NELL2: variants seen among roughly 807,000 people sequenced by gnomAD.
NELL2 encodes neural EGFL like 2, also known as protein kinase C-binding protein NELL2.
In NELL2, 41 loss-of-function variants were observed where a neutral mutation model predicts 109.6. That is an observed-to-expected ratio of 0.37 (90% CI 0.29 to 0.49). NELL2 has a LOEUF of 0.49. NELL2 is among the 20% of genes least tolerant of loss of function. The pLI is 0.98. For missense variants in NELL2, 900 were observed against 1,008.3 expected, an observed-to-expected ratio of 0.89 and a Z score of 1.45; for synonymous variants, 355 against 344.7, an observed-to-expected ratio of 1.03 and a Z score of -0.33.
intron 15 of NELL2, among the ~76,000 whole-genome samples, chr12:44,596,757 T>A (rs1426771439): frequency 6.6e-6 from 1 of 152,142 alleles, no homozygotes; most frequent in Non-Finnish European, 1.5e-5. Context: ...TCACTCCATT[T>A]TAAAACAAGG....
chr12:44,761,468 G>A (rs1941122794), intron 9 of NELL2, among the ~76,000 whole-genome samples: 1 of 152,124 alleles, frequency 6.6e-6, no homozygotes, highest in Non-Finnish European at 1.5e-5. Flanking sequence ...AAACAATATG[G>A]AGATTTCTCA....
intron 15 of NELL2, among the ~76,000 whole-genome samples, chr12:44,573,925 G>C (rs950628105): frequency 6.6e-6 from 1 of 152,204 alleles, no homozygotes; most frequent in Non-Finnish European, 1.5e-5. Context: ...GTTTGGCATG[G>C]CTGGCATCTT....
chr12:44,792,977 T>G (rs559084580), intron 3 of NELL2, among the ~76,000 whole-genome samples: 2 of 152,290 alleles, frequency 1.3e-5, no homozygotes, highest in African/African-American at 2.4e-5. Context: ...ATTCCAATTA[T>G]TCATTCATAT....
rs560825959 is a variant in NELL2, at chr12:44,581,794, G to C, written c.1663+25375C>G. Among the ~76,000 whole-genome samples, 5 of 152,188 alleles carry C rather than the reference G, an allele frequency of 3.3e-5. No individual in the cohort carries two copies. The South Asian group carries it at 8.3e-4, about 25-fold the overall frequency. On this transcript the variant is annotated intron_variant, in intron 15 of 19. Transcript: ENST00000429094. Reference sequence around the variant, plus strand: ...ACTATGATCTTAACTTGAATATAGAGATCTTAAAAATATATTGCAAGTTTT... The same window carrying C: ...ACTATGATCTTAACTTGAATATAGACATCTTAAAAATATATTGCAAGTTTT...
intron 16 of NELL2, among the ~76,000 whole-genome samples, chr12:44,527,870 G>A (rs111417125): frequency 3.3e-5 from 5 of 152,010 alleles, no homozygotes; most frequent in Non-Finnish European, 7.4e-5. Context: ...GAGGCGGACG[G>A]ATCACGAGGT....
At position 44,558,740 on chromosome 12, in the gene NELL2, C is replaced by T. The variant is rs146685900; in HGVS notation, c.1664-26019G>A. Among the ~76,000 whole-genome samples the T allele has an allele frequency of 4.5e-3, 680 of 152,228 alleles. 3 individuals are homozygous for T. Among genetic ancestry groups the T allele is most frequent in the Non-Finnish European group, 5.6e-3 (383 of 68,022 alleles). On this transcript the variant is annotated intron_variant, in intron 15 of 19. Transcript: ENST00000429094. ...GGGCCCTGGGTTTCAAGCGCAAAAC[C>T]GAGCGGTTGTTTGGGCAGACACTGA... is the stretch of plus-strand genomic sequence containing the variant.
intron 2 of NELL2, among the ~76,000 whole-genome samples, chr12:44,819,347 T>C (rs1943466105): frequency 6.6e-6 from 1 of 152,234 alleles, no homozygotes; most frequent in Non-Finnish European, 1.5e-5. Context: ...TATTAACTTA[T>C]ACAGGTTAGA....
At chr12:44,515,067 G>A (rs1941198639) in intron 19 of NELL2, among the ~76,000 whole-genome samples, 1 of 151,620 alleles carries the variant, frequency 6.6e-6, no homozygotes, top group African/African-American at 2.4e-5. Context: ...GGCAGGAATG[G>A]ATAAACAGGT....
intron 13 of NELL2, among the ~76,000 whole-genome samples, chr12:44,665,070 T>C (rs1295039370): frequency 6.6e-6 from 1 of 151,710 alleles, no homozygotes; most frequent in Non-Finnish European, 1.5e-5. Context: ...CTCATTTATA[T>C]TTAATAGTCC....
chr12:44,871,859 T>A (rs1279016592), intron 2 of NELL2, among the ~76,000 whole-genome samples: 1 of 152,188 alleles, frequency 6.6e-6, no homozygotes, highest in East Asian at 1.9e-4. Flanking sequence ...AAAAAAAACA[T>A]GCTTTGATTT....
intron 9 of NELL2, among the ~76,000 whole-genome samples, 153 bp from the exon 10 acceptor site, chr12:44,714,894 A>C (rs1353866003): frequency 6.6e-6 from 1 of 152,030 alleles, no homozygotes; most frequent in Non-Finnish European, 1.5e-5. Flanking sequence ...TGCAAGGCAC[A>C]TGTAAACTTA....
At chr12:44,558,649 A>G (rs1943346879) in intron 15 of NELL2, among the ~76,000 whole-genome samples, 1 of 152,178 alleles carries the variant, frequency 6.6e-6, no homozygotes, top group African/African-American at 2.4e-5. Context: ...TAGCCCAGAT[A>G]CTATGCTTTT....
At chr12:44,609,193 A>G (rs974285396) in intron 14 of NELL2, among the ~76,000 whole-genome samples, 1 of 151,956 alleles carries the variant, frequency 6.6e-6, no homozygotes, top group African/African-American at 2.4e-5. Flanking sequence ...CAAGCAATCC[A>G]TCTGCCTTGG....
At chr12:44,710,978 T>G (rs1566213285) in intron 11 of NELL2, among the ~76,000 whole-genome samples, 1 of 152,122 alleles carries the variant, frequency 6.6e-6, no homozygotes, top group Admixed American at 6.6e-5. Flanking sequence ...AACTCAATAT[T>G]GTTGTGTAAC....
chr12:44,617,483 C>A (rs904689687), intron 13 of NELL2, among the ~76,000 whole-genome samples: 2 of 140,716 alleles, frequency 1.4e-5, no homozygotes, highest in Non-Finnish European at 3.0e-5. Context: ...GTCAGGAGAT[C>A]GAGACCATCC....
At chr12:44,875,184 G>A (rs1310395305) in intron 2 of NELL2, 41 bp downstream of exon 2, 1 of 1,586,880 alleles carries the variant, frequency 6.3e-7, no homozygotes, top group South Asian at 1.1e-5. Flanking sequence ...CGGGGTTATC[G>A]GAACTGAAAT....
At chr12:44,756,557 C>G (rs1048707485) in intron 9 of NELL2, among the ~76,000 whole-genome samples, 1 of 152,050 alleles carries the variant, frequency 6.6e-6, no homozygotes, top group Non-Finnish European at 1.5e-5. Context: ...TTCCAGGCCA[C>G]CAAAAATGCT....
At chr12:44,661,755 G>T (rs1326042031) in intron 13 of NELL2, among the ~76,000 whole-genome samples, 1 of 152,086 alleles carries the variant, frequency 6.6e-6, no homozygotes, top group Non-Finnish European at 1.5e-5. Flanking sequence ...AACAAAATAG[G>T]TTACTTTTGC....
rs776807069 is a variant in NELL2, at chr12:44,777,247, T to C, written c.674A>G (p.Asn225Ser). 3 of 1,613,696 alleles carry C rather than the reference T, an allele frequency of 1.9e-6. No individual in the cohort carries two copies. The highest frequency in any genetic ancestry group is 1.7e-6 in the Non-Finnish European group (2 of 1,179,594). Residue 225 changes from asparagine to serine, a missense_variant, in exon 6 of 20, where the codon AAT (asparagine) becomes AGT (serine). Coordinates refer to ENST00000429094, the MANE Select transcript of NELL2 (RefSeq NM_001145108.2). ...QGFIAQCPDL[N>S]RTCPTCNDFH... ...GCAAGAACTAATAGACTTACTGCGATTAAGATCTGGGCACTGAGCAATAAA... is the reference window on the plus strand; with the variant it reads ...GCAAGAACTAATAGACTTACTGCGACTAAGATCTGGGCACTGAGCAATAAA...
Sources: gnomAD v4.1 joint callset for allele counts (sites outside exome capture counted in the v4.1 genomes callset) on GRCh38, gnomAD v4.1.1 for gene constraint, MANE v1.5 for transcripts, NCBI Gene and HGNC (gene_info 2026-07-23, HGNC 2026-07-21) for gene names.